The following F13A1 variants were observed in gnomAD, a reference collection of about 807,000 sequenced individuals.
F13A1 encodes the protein FSF, A subunit.
F13A1 carries 47 observed loss-of-function variants against 80.1 expected under a neutral mutation model. The observed-to-expected ratio is 0.59, with a 90% confidence interval of 0.46 to 0.75. The LOEUF is 0.75. Among genes scored for constraint, F13A1 ranks in the 30% least tolerant of loss-of-function variants. The pLI is 0.00. For missense variants in F13A1, 817 were observed against 930.4 expected, an observed-to-expected ratio of 0.88 and a Z score of 1.59; for synonymous variants, 349 against 344.9, an observed-to-expected ratio of 1.01 and a Z score of -0.13.
intron 2 of F13A1, among the ~76,000 whole-genome samples, chr6:6,310,865 T>C (rs1226945121): frequency 6.6e-6 from 1 of 152,140 alleles, no homozygotes; most frequent in African/African-American, 2.4e-5. Context: ...ATCTGAGCAA[T>C]GGAAGTCACA....
intron 1 of F13A1, 111 bp from the exon 2 acceptor site, chr6:6,318,793 T>C (rs1180113130): frequency 6.9e-6 from 8 of 1,164,200 alleles, no homozygotes; most frequent in Admixed American, 6.4e-5. Flanking sequence ...TGATAGCACT[T>C]GAGCAACACA....
At chr6:6,221,169 C>G (rs1348122278) in intron 8 of F13A1, among the ~76,000 whole-genome samples, 1 of 152,122 alleles carries the variant, frequency 6.6e-6, no homozygotes, top group African/African-American at 2.4e-5. Context: ...CCACACAGAC[C>G]TTGATAAAAA....
intron 7 of F13A1, 26 bp from the exon 8 acceptor site, chr6:6,222,197 A>C: frequency 6.2e-7 from 1 of 1,613,766 alleles, no homozygotes; most frequent in South Asian, 1.1e-5. Flanking sequence ...GACCACAGCT[A>C]AACACATCAC....
rs185835434 is a variant in F13A1 at position 6,189,985 on chromosome 6, C to T, written c.1305+5812G>A. Among the ~76,000 whole-genome samples, 903 of 152,286 alleles carry T rather than the reference C, an allele frequency of 5.9e-3. 14 individuals carry two copies. The highest frequency in any genetic ancestry group is 0.02 in the African/African-American group (850 of 41,558). On this transcript the variant is annotated intron_variant, in intron 10 of 14. Coordinates refer to ENST00000264870, the MANE Select transcript of F13A1 (RefSeq NM_000129.4). Reference sequence around the variant, plus strand: ...TCATTTCTTTCATTTCATTTTCCATCGCTGATACCCTTTCTTCCAGTTGAT... The same window carrying T: ...TCATTTCTTTCATTTCATTTTCCATTGCTGATACCCTTTCTTCCAGTTGAT...
intron 3 of F13A1, among the ~76,000 whole-genome samples, chr6:6,270,357 C>T (rs1477512385): frequency 6.6e-6 from 1 of 152,174 alleles, no homozygotes; most frequent in Non-Finnish European, 1.5e-5. Context: ...GTAGGTCAAC[C>T]TTTAGTTTCC....
chr6:6,289,452 GCA>G (rs1384425350), intron 3 of F13A1, among the ~76,000 whole-genome samples: 3 of 144,360 alleles, frequency 2.1e-5, no homozygotes, highest in Admixed American at 7.0e-5. Flanking sequence ...ACACACACAC[GCA>G]CACACACATT....
chr6:6,297,282 C>T (rs1345848981), intron 3 of F13A1, among the ~76,000 whole-genome samples: 15 of 151,932 alleles, frequency 9.9e-5, no homozygotes, highest in Admixed American at 9.2e-4. Context: ...AGGGAGGATT[C>T]CCTCTTTTTC....
At chr6:6,251,600 T>G (rs924139995) in intron 4 of F13A1, among the ~76,000 whole-genome samples, 1 of 152,126 alleles carries the variant, frequency 6.6e-6, no homozygotes, top group African/African-American at 2.4e-5. Context: ...CCAGGCCTGG[T>G]GGGAGAGCAG....
At chr6:6,317,467 G>A (rs1758701416) in intron 2 of F13A1, among the ~76,000 whole-genome samples, 1 of 151,980 alleles carries the variant, frequency 6.6e-6, no homozygotes. Flanking sequence ...AAACTTGGAT[G>A]GTACTGGATA....
chr6:6,266,470 C>A, intron 4 of F13A1, 88 bp downstream of exon 4: 2 of 1,604,750 alleles, frequency 1.2e-6, no homozygotes, highest in Non-Finnish European at 8.5e-7. Flanking sequence ...TCTTGGCCTC[C>A]CAAAGAGCTG....
rs121913067 is a variant in F13A1 at position 6,305,487 on chromosome 6, G to A, written c.183C>T (p.Asn61=). The A allele has an allele frequency of 6.2e-7, 1 of 1,614,090 alleles. No homozygotes were observed. The highest frequency in any genetic ancestry group is 1.3e-5 in the African/African-American group (1 of 74,938). Residue 61 remains asparagine (N), a synonymous_variant, in exon 3 of 15, where the codon AAC becomes AAT. Coordinates refer to ENST00000264870, the MANE Select transcript of F13A1 (RefSeq NM_000129.4). ...ACTTGTCAGTGTGGTGGTCCACCTT[G>A]TTAGTGTCCCATCTCTCCTTGAACA... The part of the protein sequence containing the change: ...VHLFKERWDT[N]KVDHHTDKYE...
intron 10 of F13A1, among the ~76,000 whole-genome samples, chr6:6,187,545 A>G (rs1761101021): frequency 1.8e-5 from 2 of 112,396 alleles, no homozygotes; most frequent in African/African-American, 7.3e-5. Flanking sequence ...CGTATATTGA[A>G]CCAGCCTTGC....
chr6:6,152,098 G>T, intron 13 of F13A1, 149 bp from the exon 14 acceptor site: 1 of 885,804 alleles, frequency 1.1e-6, no homozygotes, highest in Non-Finnish European at 1.8e-6. Context: ...TGATTGCTTT[G>T]ACTGGAGGAT....
intron 2 of F13A1, among the ~76,000 whole-genome samples, chr6:6,310,596 C>T (rs552505829): frequency 6.6e-6 from 1 of 152,164 alleles, no homozygotes; most frequent in East Asian, 1.9e-4. Context: ...AACCCAAATC[C>T]CAACTCTCAC....
chr6:6,292,144 C>A (rs1424647663), intron 3 of F13A1, among the ~76,000 whole-genome samples: 6 of 152,166 alleles, frequency 3.9e-5, no homozygotes, highest in Non-Finnish European at 7.3e-5. Context: ...GTCCAATGCC[C>A]AGAGGGCTGC....
intron 3 of F13A1, among the ~76,000 whole-genome samples, chr6:6,282,833 A>G (rs986833308): frequency 3.3e-5 from 5 of 152,198 alleles, no homozygotes; most frequent in Non-Finnish European, 5.9e-5. Context: ...ATGAAGAGCT[A>G]TCTCAGCTCC....
chr6:6,177,947 G>T (rs1390971758), intron 11 of F13A1, among the ~76,000 whole-genome samples: 1 of 151,200 alleles, frequency 6.6e-6, no homozygotes, highest in Non-Finnish European at 1.5e-5. Context: ...CAATACCTGT[G>T]GGGGCATGCT....
chr6:6,236,858 GAGA>G (rs1321874963), intron 6 of F13A1, among the ~76,000 whole-genome samples: 1 of 152,128 alleles, frequency 6.6e-6, no homozygotes, highest in African/African-American at 2.4e-5. Context: ...GTTTGGCAAG[GAGA>G]AGAATTATTT....
chr6:6,222,230 G>GA lies in F13A1; in HGVS notation c.974-60dup, dbSNP rs3024416. 3.5e-4 allele frequency: 562 copies of GA among 1,608,088 alleles called. 4 individuals carry two copies. In the African/African-American group the frequency reaches 7.0e-3, roughly 20 times the overall value. ...CACCAGCATTTAATAAACACAGAGT[G>GA]AAAAAACCCTTCTTGTAGGGGACTT... On this transcript the variant is annotated intron_variant, in intron 7 of 14. Coordinates refer to ENST00000264870, the MANE Select transcript of F13A1 (RefSeq NM_000129.4).
Sources: gnomAD v4.1 joint callset for allele counts (sites outside exome capture counted in the v4.1 genomes callset) on GRCh38, gnomAD v4.1.1 for gene constraint, MANE v1.5 for transcripts, NCBI Gene and HGNC (gene_info 2026-07-23, HGNC 2026-07-21) for gene names.